Variants in ODAD2 observed in about 807,000 individuals in gnomAD.
The protein encoded by ODAD2 is outer dynein arm-docking complex subunit 2.
ODAD2 carries 89 observed loss-of-function variants against 106.8 expected under a neutral mutation model. That is an observed-to-expected ratio of 0.83 (90% CI 0.70 to 0.99). The LOEUF (loss-of-function observed/expected upper bound fraction) is 0.99, where lower values mean the gene tolerates loss of function less well. Ranked by LOEUF, ODAD2 falls within the 50% of genes least tolerant of loss-of-function variation. The probability of loss-of-function intolerance (pLI) is 0.00; values close to 1 mark genes in which losing one functional copy is unlikely to be tolerated. For synonymous variants in ODAD2, 404 were observed against 436.2 expected, an observed-to-expected ratio of 0.93 and a Z score of 0.92; for missense variants, 1,168 against 1,238.5, an observed-to-expected ratio of 0.94 and a Z score of 0.85.
At chr10:27,917,883 A>G (rs1294792951) in intron 16 of ODAD2, among the ~76,000 whole-genome samples, 1 of 151,968 alleles carries the variant, frequency 6.6e-6, no homozygotes, top group African/African-American at 2.4e-5. Flanking sequence ...TAATAAAATG[A>G]ATAATACAAG....
chr10:27,992,815 G>A (rs1157729647), intron 2 of ODAD2, among the ~76,000 whole-genome samples: 1 of 152,120 alleles, frequency 6.6e-6, no homozygotes, highest in Admixed American at 6.5e-5. Flanking sequence ...CCTAACTAGG[G>A]GTCAGATGTG....
chr10:27,914,159 T>A (rs2133908157), intron 16 of ODAD2, among the ~76,000 whole-genome samples: 1 of 152,104 alleles, frequency 6.6e-6, no homozygotes, highest in African/African-American at 2.4e-5. Flanking sequence ...TAAAAAAGAA[T>A]GAGATCAAAC....
intron 16 of ODAD2, among the ~76,000 whole-genome samples, chr10:27,923,106 C>T (rs1844907776): frequency 6.6e-6 from 1 of 152,074 alleles, no homozygotes; most frequent in East Asian, 1.9e-4. Flanking sequence ...GACTGCAAAT[C>T]TTATAGCAAA....
chr10:27,953,605 T>C (rs1373968316), intron 10 of ODAD2, among the ~76,000 whole-genome samples: 4 of 152,136 alleles, frequency 2.6e-5, no homozygotes, highest in African/African-American at 9.7e-5. Context: ...TGAAATACTA[T>C]GTAGTCATTA....
rs1446227402 is a variant in ODAD2, at chr10:27,831,028, G to A, written c.3022-18403C>T. On this transcript the variant is annotated intron_variant, in intron 19 of 19. Transcript: ENST00000305242. ...TGAGATGTGATGTTAAAGGCACCAT[G>A]AGAAAAACACAGTCCAGCCCTGGAG... Among the ~76,000 whole-genome samples the A allele has an allele frequency of 2.6e-5, 4 of 152,280 alleles. No individual in the cohort carries two copies. In the East Asian group the frequency reaches 5.8e-4, roughly 22 times the overall value.
chr10:27,918,119 C>G (rs1844522660), intron 16 of ODAD2, among the ~76,000 whole-genome samples: 1 of 151,630 alleles, frequency 6.6e-6, no homozygotes, highest in African/African-American at 2.4e-5. Context: ...AAAAATAATC[C>G]TACACGAAAT....
chr10:27,869,485 A>C (rs1840695091), intron 17 of ODAD2, among the ~76,000 whole-genome samples: 1 of 151,910 alleles, frequency 6.6e-6, no homozygotes, highest in Non-Finnish European at 1.5e-5. Context: ...TAAAAAAAAA[A>C]ATCTATAATC....
intron 9 of ODAD2, among the ~76,000 whole-genome samples, chr10:27,962,133 CA>C (rs781568192): frequency 5.0e-4 from 76 of 152,252 alleles, no homozygotes; most frequent in Non-Finnish European, 9.7e-4. Context: ...ATTGCAGGTG[CA>C]ATTGCTCTGG....
intron 9 of ODAD2, among the ~76,000 whole-genome samples, chr10:27,964,493 T>A (rs972598938): frequency 1.3e-5 from 2 of 152,230 alleles, no homozygotes; most frequent in African/African-American, 4.8e-5. Context: ...CAAACGTGCA[T>A]GGAGGGCCTG....
chr10:27,870,729 C>G (rs897783814), intron 17 of ODAD2, among the ~76,000 whole-genome samples: 1 of 152,072 alleles, frequency 6.6e-6, no homozygotes, highest in African/African-American at 2.4e-5. Context: ...GTATATGTGC[C>G]ACATTTTCTT....
In ODAD2 at chr10:27,907,684, ACAG is replaced by A; in HGVS notation, c.2586_2588del (p.Cys863del). The stretch of plus-strand genomic sequence containing the variant: ...TTACCTTTGCATTTTTGATGCATGG[ACAG>A]AGTGCCCATGCTGCGCTGGCCTTCA... On this transcript the variant is annotated inframe_deletion, in exon 17 of 20. Transcript: ENST00000305242. The A allele has an allele frequency of 6.2e-7, 1 of 1,613,158 alleles. No individual in the cohort carries two copies. Among genetic ancestry groups the A allele is most frequent in the Non-Finnish European group, 8.5e-7 (1 of 1,179,252 alleles).
intron 19 of ODAD2, among the ~76,000 whole-genome samples, chr10:27,859,668 TAGAAA>T (rs1839905639): frequency 1.3e-5 from 2 of 152,192 alleles, no homozygotes; most frequent in African/African-American, 4.8e-5. Flanking sequence ...AAACAGGCTA[TAGAAA>T]AGAACTAATA....
chr10:27,999,276 G>GA (rs1282960293), upstream of ODAD2, among the ~76,000 whole-genome samples: 101 of 152,288 alleles, frequency 6.6e-4, no homozygotes, highest in Middle Eastern at 3.4e-3. Context: ...CAAGTTAGCA[G>GA]AAAACTTAAA....
chr10:27,901,675 A>C (rs1440352022), intron 17 of ODAD2, among the ~76,000 whole-genome samples: 1 of 152,202 alleles, frequency 6.6e-6, no homozygotes, highest in Non-Finnish European at 1.5e-5. Flanking sequence ...GTCTCTGATA[A>C]AACAGACTTT....
intron 16 of ODAD2, among the ~76,000 whole-genome samples, chr10:27,922,648 G>A (rs1844877719): frequency 6.6e-6 from 1 of 152,144 alleles, no homozygotes; most frequent in South Asian, 2.1e-4. Flanking sequence ...GCTCACACCT[G>A]TAATCCCAGC....
At chr10:27,924,397 A>T (rs1845090490) in intron 16 of ODAD2, among the ~76,000 whole-genome samples, 1 of 151,654 alleles carries the variant, frequency 6.6e-6, no homozygotes, top group African/African-American at 2.4e-5. Context: ...GTCAAAGGAA[A>T]ATTCATAACA....
chr10:27,971,298 C>T lies in ODAD2; in HGVS notation c.952G>A (p.Glu318Lys). The T allele has an allele frequency of 6.2e-7, 1 of 1,605,056 alleles. No homozygotes were observed. The change falls in exon 8 of 20, where the codon GAA (glutamate) becomes AAA (lysine). Residue 318 changes from glutamate to lysine, a missense_variant. This residue lies in a region of ODAD2 where 430 missense variants were observed against 452.2 expected (regional missense o/e 0.95). Coordinates refer to ENST00000305242, the MANE Select transcript of ODAD2 (RefSeq NM_018076.5). ...NMSKLGISFS[E>K]DQQKEKDQLG... is the part of the protein sequence containing the mutation. ...TGATCCTTTTCCTTTTGCTGGTCTT[C>T]ACTGAAGCTAATTCCCTTTATTTAA... is the stretch of plus-strand genomic sequence containing the variant.
intron 19 of ODAD2, among the ~76,000 whole-genome samples, chr10:27,854,306 A>C (rs1045174208): frequency 3.9e-5 from 6 of 152,174 alleles, no homozygotes; most frequent in South Asian, 2.1e-4. Context: ...GCAATTTTTT[A>C]AAAAGTTAAA....
intron 17 of ODAD2, among the ~76,000 whole-genome samples, chr10:27,884,895 T>C (rs945634053): frequency 6.6e-6 from 1 of 152,178 alleles, no homozygotes; most frequent in African/African-American, 2.4e-5. Context: ...CTTCTGCTTT[T>C]ACTCTGGGAT....
Sources: gnomAD v4.1 joint callset for allele counts (sites outside exome capture counted in the v4.1 genomes callset) on GRCh38, gnomAD v4.1.1 for gene constraint, gnomAD v4.1.1 regional missense constraint, MANE v1.5 for transcripts, NCBI Gene and HGNC (gene_info 2026-07-23, HGNC 2026-07-21) for gene names.